Variants in PDE8B observed in about 807,000 individuals in gnomAD.
PDE8B encodes the protein phosphodiesterase 8B, also known as high affinity cAMP-specific and IBMX-insensitive 3',5'-cyclic phosphodiesterase 8B.
In PDE8B, 26 loss-of-function variants were observed where a neutral mutation model predicts 101.3. The ratio of observed to expected loss-of-function variants is 0.26; its 90% confidence interval spans 0.19 to 0.36. The LOEUF (loss-of-function observed/expected upper bound fraction) is 0.36, where lower values mean the gene tolerates loss of function less well. Among genes scored for constraint, PDE8B ranks in the 10% least tolerant of loss-of-function variants. The pLI is 1.00. For synonymous variants in PDE8B, 424 were observed against 429.3 expected, an observed-to-expected ratio of 0.99 and a Z score of 0.15; for missense variants, 810 against 1,163.1, an observed-to-expected ratio of 0.70 and a Z score of 4.42.
intron 1 of PDE8B, among the ~76,000 whole-genome samples, chr5:77,252,648 C>T (rs754238318): frequency 3.3e-5 from 5 of 152,048 alleles, no homozygotes; most frequent in African/African-American, 9.7e-5. Flanking sequence ...TTTTTCTGCC[C>T]ATTTCCCTTT....
the PDE8B span, among the ~76,000 whole-genome samples, chr5:77,135,112 G>A: frequency 6.6e-6 from 1 of 152,216 alleles, no homozygotes; most frequent in African/African-American, 2.4e-5. Flanking sequence ...CTAATGAACA[G>A]CCTTTGCCTC....
chr5:77,149,199 A>G, the PDE8B span, among the ~76,000 whole-genome samples: 1 of 151,916 alleles, frequency 6.6e-6, no homozygotes, highest in Non-Finnish European at 1.5e-5. Flanking sequence ...TTATATCTGA[A>G]CTCTCAGTTC....
At chr5:77,123,843 T>C in the PDE8B span, among the ~76,000 whole-genome samples, 72,665 of 152,110 alleles carry the variant, frequency 0.48, 17,864 homozygotes, top group South Asian at 0.65. Context: ...AATAGTTCTG[T>C]GTAAGCTGTG....
chr5:77,143,216 C>G, the PDE8B span, among the ~76,000 whole-genome samples: 1 of 152,184 alleles, frequency 6.6e-6, no homozygotes, highest in Non-Finnish European at 1.5e-5. Flanking sequence ...CTTCTATTCT[C>G]AACATCGGAG....
upstream of PDE8B, chr5:77,210,543 G>T (rs1375423221): frequency 1.4e-5 from 12 of 851,494 alleles, no homozygotes; most frequent in South Asian, 6.2e-4. This position sits in a 1 kb window ranked among gnomAD's most constrained non-coding sequence, Gnocchi z 4.9. Context: ...CAGGGCCGCG[G>T]GTGCGGGAGC....
chr5:77,404,215 T>C (rs1211688618), intron 11 of PDE8B, among the ~76,000 whole-genome samples: 1 of 152,156 alleles, frequency 6.6e-6, no homozygotes, highest in Non-Finnish European at 1.5e-5. Context: ...CTCGAACTCC[T>C]GACTTCGTGA....
intron 10 of PDE8B, among the ~76,000 whole-genome samples, chr5:77,369,271 A>G (rs1784676999): frequency 6.6e-6 from 1 of 151,604 alleles, no homozygotes; most frequent in African/African-American, 2.4e-5. Flanking sequence ...ATTAACCAGA[A>G]TGTTTTTGAA....
At chr5:77,341,793 C>T (rs547721239) in intron 6 of PDE8B, among the ~76,000 whole-genome samples, 1 of 152,198 alleles carries the variant, frequency 6.6e-6, no homozygotes, top group South Asian at 2.1e-4. Context: ...GTTTTAAAGC[C>T]CCCTTTTATT....
At chr5:77,096,280 C>A in the PDE8B span, among the ~76,000 whole-genome samples, 4 of 152,196 alleles carry the variant, frequency 2.6e-5, no homozygotes, top group Admixed American at 6.5e-5. Context: ...TGAGCCACCG[C>A]GCTGAGCATG....
the PDE8B span, among the ~76,000 whole-genome samples, chr5:77,189,298 C>G: frequency 6.6e-6 from 1 of 152,132 alleles, no homozygotes; most frequent in Non-Finnish European, 1.5e-5. Context: ...TTGAGGCTTA[C>G]CTTCAAGTGT....
At chr5:77,314,395 G>T (rs1217884572) in intron 2 of PDE8B, among the ~76,000 whole-genome samples, 1 of 151,946 alleles carries the variant, frequency 6.6e-6, no homozygotes, top group Non-Finnish European at 1.5e-5. Flanking sequence ...TGAATTTTAG[G>T]ACCATTTTGT....
At chr5:77,352,629 A>G (rs1781367678) in intron 9 of PDE8B, among the ~76,000 whole-genome samples, 1 of 152,206 alleles carries the variant, frequency 6.6e-6, no homozygotes, top group Admixed American at 6.5e-5. Context: ...GCCTACAGAG[A>G]AAAGTGAACC....
In PDE8B at chr5:77,381,791, A is replaced by T. The variant is rs540831161; in HGVS notation, c.1168-18457A>T. 1.4e-4 allele frequency among the ~76,000 whole-genome samples: 21 copies of T among 152,088 alleles called. No homozygotes were observed. In the Middle Eastern group the frequency reaches 0.01, roughly 74 times the overall value. On this transcript the variant is annotated intron_variant, in intron 10 of 21. Transcript: ENST00000264917. The stretch of plus-strand genomic sequence containing the variant: ...GCAGGGGAAGGAGGCTAGTTCATAA[A>T]ATCTATCCATCATAAATTATATAAA...
chr5:77,221,493 T>C (rs888748689), intron 1 of PDE8B, among the ~76,000 whole-genome samples: 3 of 152,252 alleles, frequency 2.0e-5, no homozygotes, highest in Non-Finnish European at 4.4e-5. Flanking sequence ...TCTGTGATGC[T>C]AACAGAAAAT....
At chr5:77,284,730 C>T (rs1580786641) in intron 1 of PDE8B, among the ~76,000 whole-genome samples, 1 of 152,274 alleles carries the variant, frequency 6.6e-6, no homozygotes, top group Non-Finnish European at 1.5e-5. Flanking sequence ...AGTAATATAG[C>T]ATATACTATT....
chr5:77,356,569 A>G (rs1335089878), intron 10 of PDE8B, among the ~76,000 whole-genome samples: 1 of 152,090 alleles, frequency 6.6e-6, no homozygotes, highest in Admixed American at 6.5e-5. Context: ...AACTGGGATT[A>G]TAGGTTTGCG....
the PDE8B span, among the ~76,000 whole-genome samples, chr5:77,185,447 A>C: frequency 6.6e-6 from 1 of 152,332 alleles, no homozygotes; most frequent in South Asian, 2.1e-4. Context: ...CAAAGACACC[A>C]GTCATATTGG....
intron 17 of PDE8B, among the ~76,000 whole-genome samples, chr5:77,416,628 A>G (rs1444405963): frequency 6.6e-6 from 1 of 152,332 alleles, no homozygotes; most frequent in East Asian, 1.9e-4. Context: ...AGGGTTGCTC[A>G]CCAGCTCCAT....
chr5:77,243,072 A>G (rs1007290026), intron 1 of PDE8B, among the ~76,000 whole-genome samples: 14 of 152,278 alleles, frequency 9.2e-5, no homozygotes, highest in African/African-American at 2.4e-4. Flanking sequence ...TGTTTATTCT[A>G]TTTTTTAAAA....
Sources: allele counts gnomAD v4.1 joint callset (sites outside exome capture counted in the v4.1 genomes callset), GRCh38; gene constraint gnomAD v4.1.1; non-coding constraint Gnocchi (gnomAD v3.1); transcripts MANE v1.5; gene names NCBI Gene and HGNC (gene_info 2026-07-23, HGNC 2026-07-21).